Variants in NAALADL2 observed in about 807,000 individuals in gnomAD.
NAALADL2 encodes the protein inactive N-acetylated-alpha-linked acidic dipeptidase-like protein 2.
A neutral mutation model predicts 87.2 loss-of-function variants in NAALADL2; 76 were observed. The ratio of observed to expected loss-of-function variants is 0.87; its 90% CI spans 0.72 to 1.05. The LOEUF (loss-of-function observed/expected upper bound fraction) is 1.05, where lower values mean the gene tolerates loss of function less well. Among genes scored for constraint, NAALADL2 ranks in the 50% least tolerant of loss-of-function variants. The pLI, the probability that NAALADL2 is intolerant of heterozygous loss-of-function variation, is 0.00. For missense variants in NAALADL2, 1,089 were observed against 945.8 expected (o/e 1.15, Z -1.99); for synonymous variants, 354 against 331.0 (o/e 1.07, Z -0.75).
In NAALADL2 at chr3:175,578,243, G is replaced by A. The variant is rs561233298; in HGVS notation, c.1800+2056G>A. On this transcript the variant is annotated intron_variant, in intron 10 of 13. Transcript: ENST00000454872. ...GAGTTTGATACCTGGGCAACACGGTGAAATCTTATTTCTACGCAATAATAC... is the reference window on the plus strand; with the variant it reads ...GAGTTTGATACCTGGGCAACACGGTAAAATCTTATTTCTACGCAATAATAC... Among the ~76,000 whole-genome samples, 6 of 152,154 alleles carry A rather than the reference G, an allele frequency of 3.9e-5. No homozygotes were observed. The East Asian group carries it at 1.2e-3, about 29-fold the overall frequency.
At chr3:174,497,685 T>C (rs1243368621) in intron 1 of NAALADL2, among the ~76,000 whole-genome samples, 1 of 152,170 alleles carries the variant, frequency 6.6e-6, no homozygotes, top group Non-Finnish European at 1.5e-5. Flanking sequence ...CTCAGTCTTA[T>C]TTATCTTTTT....
chr3:175,014,906 G>A (rs1478617310), intron 1 of NAALADL2, among the ~76,000 whole-genome samples: 1 of 151,582 alleles, frequency 6.6e-6, no homozygotes, highest in Non-Finnish European at 1.5e-5. Context: ...CTTTCGTAAG[G>A]GGACTGGATC....
At chr3:175,574,215 A>G (rs1369242570) in intron 9 of NAALADL2, among the ~76,000 whole-genome samples, 3 of 152,288 alleles carry the variant, frequency 2.0e-5, no homozygotes, top group African/African-American at 7.2e-5. Context: ...GAAAAGGAAA[A>G]GTGGGGAGCT....
chr3:175,095,099 G>A (rs1479715222), intron 1 of NAALADL2, among the ~76,000 whole-genome samples: 1 of 151,882 alleles, frequency 6.6e-6, no homozygotes, highest in Admixed American at 6.6e-5. Flanking sequence ...TGGCCCATGT[G>A]CGCTATCCTC....
At chr3:174,814,871 CAG>C (rs1187657595) in intron 3 of NAALADL2, among the ~76,000 whole-genome samples, 1 of 152,178 alleles carries the variant, frequency 6.6e-6, no homozygotes, top group African/African-American at 2.4e-5. Flanking sequence ...GTTACTCACA[CAG>C]AAGTAGTCTG....
At chr3:175,697,484 T>C (rs1039799001) in intron 11 of NAALADL2, among the ~76,000 whole-genome samples, 1 of 151,472 alleles carries the variant, frequency 6.6e-6, no homozygotes, top group Admixed American at 6.6e-5. Flanking sequence ...GGTGTAGTAG[T>C]TGAGTTAGAG....
At chr3:175,494,597 C>A (rs1017340179) in intron 9 of NAALADL2, among the ~76,000 whole-genome samples, 1 of 151,930 alleles carries the variant, frequency 6.6e-6, no homozygotes, top group Admixed American at 6.6e-5. Flanking sequence ...CAGTATATTC[C>A]GACTCTCCAG....
At chr3:175,517,824 T>A (rs576901970) in intron 9 of NAALADL2, among the ~76,000 whole-genome samples, 35 of 152,116 alleles carry the variant, frequency 2.3e-4, no homozygotes, top group African/African-American at 8.2e-4. Context: ...CGTGGCGGAG[T>A]ACACCGGATT....
At chr3:175,310,569 T>C (rs1406391263) in intron 4 of NAALADL2, among the ~76,000 whole-genome samples, 2 of 152,028 alleles carry the variant, frequency 1.3e-5, no homozygotes, top group African/African-American at 4.8e-5. Context: ...TATGGCTTTA[T>C]TATATATACT....
intron 1 of NAALADL2, among the ~76,000 whole-genome samples, chr3:175,005,181 A>G (rs570727152): frequency 4.4e-4 from 67 of 152,260 alleles, no homozygotes; most frequent in Non-Finnish European, 6.9e-4. Flanking sequence ...TATTCAGAAA[A>G]ATCCTATGGG....
chr3:175,478,040 G>T (rs768262072), intron 9 of NAALADL2, among the ~76,000 whole-genome samples: 4 of 152,002 alleles, frequency 2.6e-5, no homozygotes, highest in African/African-American at 4.8e-5. Flanking sequence ...CTTCCTGTAA[G>T]ATATAACAGT....
intron 13 of NAALADL2, among the ~76,000 whole-genome samples, chr3:175,761,016 G>T (rs1205684651): frequency 6.6e-6 from 1 of 152,086 alleles, no homozygotes; most frequent in African/African-American, 2.4e-5. Flanking sequence ...TGGTACATTT[G>T]TTACCATGAG....
At chr3:174,727,574 T>C (rs755235094) in intron 2 of NAALADL2, among the ~76,000 whole-genome samples, 6 of 152,134 alleles carry the variant, frequency 3.9e-5, no homozygotes, top group Admixed American at 2.0e-4. Flanking sequence ...TTTATTTTTA[T>C]AGAAGCTTTA....
chr3:175,223,132 G>GT (rs201540607), intron 2 of NAALADL2, among the ~76,000 whole-genome samples: 2 of 145,278 alleles, frequency 1.4e-5, no homozygotes, highest in African/African-American at 2.5e-5. Flanking sequence ...GTGTGTGTGT[G>GT]GTAAGGACAC....
intron 3 of NAALADL2, among the ~76,000 whole-genome samples, chr3:174,800,244 G>T (rs1324361295): frequency 6.6e-6 from 1 of 152,016 alleles, no homozygotes; most frequent in Non-Finnish European, 1.5e-5. Flanking sequence ...GGCATCACAG[G>T]TCCTGAGACC....
At chr3:175,185,312 T>C (rs1174648363) in intron 2 of NAALADL2, among the ~76,000 whole-genome samples, 1 of 152,082 alleles carries the variant, frequency 6.6e-6, no homozygotes, top group African/African-American at 2.4e-5. Context: ...TGAAGAGACT[T>C]GTCTACATAT....
intron 1 of NAALADL2, among the ~76,000 whole-genome samples, chr3:174,522,101 A>G (rs1429234436): frequency 1.3e-5 from 2 of 152,184 alleles, no homozygotes; most frequent in Non-Finnish European, 2.9e-5. Context: ...TCTGTCTCAA[A>G]AGAAAAAAAT....
chr3:174,661,212 G>A (rs183009246), intron 2 of NAALADL2, among the ~76,000 whole-genome samples: 142 of 152,256 alleles, frequency 9.3e-4, no homozygotes, highest in Admixed American at 2.1e-3. Context: ...GTCAACCCCA[G>A]AGTCTATCCA....
chr3:174,826,485 T>C (rs1290974429), intron 3 of NAALADL2, among the ~76,000 whole-genome samples: 5 of 152,244 alleles, frequency 3.3e-5, no homozygotes, highest in Non-Finnish European at 7.3e-5. Context: ...CATTAAATGT[T>C]GGCAAGCTAG....
Sources: gnomAD v4.1 joint callset for allele counts (sites outside exome capture counted in the v4.1 genomes callset) on GRCh38, gnomAD v4.1.1 for gene constraint, MANE v1.5 for transcripts, NCBI Gene and HGNC (gene_info 2026-07-23, HGNC 2026-07-21) for gene names.